GRM8: variants seen among roughly 807,000 people sequenced by gnomAD.
GRM8 encodes the protein metabotropic glutamate receptor 8.
A neutral mutation model predicts 87.2 loss-of-function variants in GRM8; 47 were observed. That is an observed-to-expected ratio of 0.54 (90% CI 0.43 to 0.69). GRM8 has a LOEUF of 0.69. Among genes scored for constraint, GRM8 ranks in the 30% least tolerant of loss-of-function variants. GRM8 has a pLI of 0.00. For missense variants in GRM8, 1,019 were observed against 1,139.2 expected (o/e 0.89, Z 1.52); for synonymous variants, 396 against 404.5 (o/e 0.98, Z 0.25).
At chr7:126,588,632 G>A (rs551005117) in intron 8 of GRM8, among the ~76,000 whole-genome samples, 1 of 152,250 alleles carries the variant, frequency 6.6e-6, no homozygotes, top group African/African-American at 2.4e-5. Flanking sequence ...TGGGAGGCAG[G>A]ACTAAATTGC....
At chr7:126,655,680 T>A (rs1406680769) in intron 7 of GRM8, among the ~76,000 whole-genome samples, 1 of 152,226 alleles carries the variant, frequency 6.6e-6, no homozygotes, top group East Asian at 1.9e-4. Context: ...ATATTAGGCA[T>A]CTGAATCAGT....
At chr7:126,987,690 C>G (rs1204234396) in intron 3 of GRM8, among the ~76,000 whole-genome samples, 1 of 152,232 alleles carries the variant, frequency 6.6e-6, no homozygotes, top group East Asian at 1.9e-4. Context: ...GTCTCGATCT[C>G]CTGACCTCGT....
chr7:126,439,825 AGTGT>A lies in GRM8; in HGVS notation c.2678-661_2678-658del, dbSNP rs57638512. ...TCCTGACCCTGTGGAGGCCTAGGCT[AGTGT>A]GTGTGTGTGTGTGTGTGTGTGTGTG... On this transcript the variant is annotated intron_variant, in intron 10 of 10. Transcript: ENST00000339582. 1.3e-3 allele frequency among the ~76,000 whole-genome samples: 185 copies of A among 142,680 alleles called. 2 individuals are homozygous for A. Among genetic ancestry groups the A allele is most frequent in the African/African-American group, 3.9e-3 (151 of 38,722 alleles). The allele number at this position is 142,680 out of a possible 152,430, so 93.6% of individuals were successfully genotyped here. A position where few individuals can be genotyped will look rare whatever the true frequency, so the allele number is the denominator to read the frequency against.
intron 2 of GRM8, among the ~76,000 whole-genome samples, chr7:127,120,293 G>T (rs1368301680): frequency 6.6e-6 from 1 of 152,110 alleles, no homozygotes; most frequent in African/African-American, 2.4e-5. Context: ...TAAATTTAAG[G>T]TCCAAATTTC....
intron 7 of GRM8, among the ~76,000 whole-genome samples, chr7:126,768,357 T>TAAA (rs57868820): frequency 0.41 from 21,682 of 53,138 alleles, 6,084 homozygotes; most frequent in Non-Finnish European, 0.5. Context: ...TTTGATAATG[T>TAAA]AAAAAAAAAA....
chr7:126,623,089 C>A (rs1219898293), intron 7 of GRM8, among the ~76,000 whole-genome samples: 1 of 151,966 alleles, frequency 6.6e-6, no homozygotes, highest in East Asian at 1.9e-4. Flanking sequence ...AATTTAATAC[C>A]CACATCTATA....
chr7:127,016,569 A>G (rs1229792302), intron 3 of GRM8, among the ~76,000 whole-genome samples: 1 of 152,110 alleles, frequency 6.6e-6, no homozygotes, highest in Non-Finnish European at 1.5e-5. Context: ...ACATGGTGAC[A>G]GAGATAAATT....
chr7:126,536,758 C>G (rs1052312546), intron 8 of GRM8, among the ~76,000 whole-genome samples: 3 of 151,914 alleles, frequency 2.0e-5, no homozygotes, highest in African/African-American at 7.3e-5. Flanking sequence ...TATTTAAAAG[C>G]TAATTACTAT....
chr7:126,529,250 TA>T (rs1445034966), intron 9 of GRM8, among the ~76,000 whole-genome samples: 1 of 152,228 alleles, frequency 6.6e-6, no homozygotes, highest in Non-Finnish European at 1.5e-5. Context: ...CATTGTGCTA[TA>T]GTCTAACTTA....
intron 3 of GRM8, among the ~76,000 whole-genome samples, chr7:127,068,726 G>C (rs1436650111): frequency 6.6e-6 from 1 of 152,172 alleles, no homozygotes; most frequent in Non-Finnish European, 1.5e-5. Flanking sequence ...GCAGGAGACA[G>C]GCTGAATCTT....
At chr7:126,902,379 G>A (rs1000233365) in intron 6 of GRM8, among the ~76,000 whole-genome samples, 163 bp downstream of exon 6, 2 of 152,166 alleles carry the variant, frequency 1.3e-5, no homozygotes, top group Non-Finnish European at 2.9e-5. Flanking sequence ...ATTTAAGTTT[G>A]TTGAATGATC....
At chr7:126,871,979 TC>T (rs1368265571) in intron 6 of GRM8, among the ~76,000 whole-genome samples, 1 of 152,160 alleles carries the variant, frequency 6.6e-6, no homozygotes, top group African/African-American at 2.4e-5. Flanking sequence ...GTTCTAAACA[TC>T]CTTTATATTT....
intron 6 of GRM8, among the ~76,000 whole-genome samples, chr7:126,807,832 A>C (rs1792929129): frequency 6.6e-6 from 1 of 152,146 alleles, no homozygotes; most frequent in African/African-American, 2.4e-5. Flanking sequence ...ACTAGCACGT[A>C]CTCATGGAAT....
intron 6 of GRM8, among the ~76,000 whole-genome samples, chr7:126,772,425 G>A (rs1818947432): frequency 6.6e-6 from 1 of 152,018 alleles, no homozygotes; most frequent in Admixed American, 6.6e-5. Flanking sequence ...CCACACTTGG[G>A]TCTCTCCTTA....
intron 3 of GRM8, among the ~76,000 whole-genome samples, chr7:126,973,237 T>A (rs1404527512): frequency 6.6e-6 from 1 of 152,100 alleles, no homozygotes; most frequent in Non-Finnish European, 1.5e-5. Flanking sequence ...TTCTAACACA[T>A]CCCCAGAGGA....
chr7:126,444,523 C>G (rs184447405), intron 10 of GRM8, among the ~76,000 whole-genome samples: 1 of 151,964 alleles, frequency 6.6e-6, no homozygotes. Context: ...ATTGGTGACC[C>G]GAAGATAATC....
chr7:127,018,754 T>C (rs1815966427), intron 3 of GRM8, among the ~76,000 whole-genome samples: 1 of 151,864 alleles, frequency 6.6e-6, no homozygotes, highest in South Asian at 2.1e-4. Context: ...CCTGATTTTC[T>C]TTTTCTTACC....
At chr7:126,867,933 G>A (rs1208539800) in intron 6 of GRM8, among the ~76,000 whole-genome samples, 2 of 152,200 alleles carry the variant, frequency 1.3e-5, no homozygotes, top group African/African-American at 4.8e-5. Context: ...AAAAATATAT[G>A]ATCAGGACCT....
chr7:126,932,752 T>C (rs1464368119), intron 3 of GRM8, among the ~76,000 whole-genome samples: 1 of 152,050 alleles, frequency 6.6e-6, no homozygotes, highest in African/African-American at 2.4e-5. Flanking sequence ...AGAATAATAG[T>C]CCCTTATAGC....
Sources: allele counts gnomAD v4.1 joint callset (sites outside exome capture counted in the v4.1 genomes callset), GRCh38; gene constraint gnomAD v4.1.1; transcripts MANE v1.5; gene names NCBI Gene and HGNC (gene_info 2026-07-23, HGNC 2026-07-21).